The following ESCO2 variants were observed in gnomAD, a reference collection of about 807,000 sequenced individuals.
The protein encoded by ESCO2 is establishment of sister chromatid cohesion N-acetyltransferase 2, also known as N-acetyltransferase ESCO2.
Under a neutral mutation model 61.7 loss-of-function variants are expected in ESCO2, and 51 were observed. The ratio of observed to expected loss-of-function variants is 0.83; its 90% CI spans 0.66 to 1.04. ESCO2 has a LOEUF of 1.04. ESCO2 is among the 50% of genes least tolerant of loss of function. The probability of loss-of-function intolerance (pLI) is 0.00; values close to 1 mark genes in which losing one functional copy is unlikely to be tolerated. For synonymous variants in ESCO2, 230 were observed against 238.2 expected (o/e 0.97, Z 0.32); for missense variants, 692 against 686.2 (o/e 1.01, Z -0.09).
chr8:27,802,630 A>AATAT (rs1222665973), intron 10 of ESCO2, among the ~76,000 whole-genome samples: 119 of 45,826 alleles, frequency 2.6e-3, no homozygotes, highest in East Asian at 0.018. Flanking sequence ...AAAAAAAAAA[A>AATAT]ATATATATAT....
intron 9 of ESCO2, among the ~76,000 whole-genome samples, chr8:27,798,982 C>A (rs1014933817): frequency 3.9e-5 from 6 of 152,024 alleles, no homozygotes; most frequent in African/African-American, 1.5e-4. Context: ...GATTAAGTGT[C>A]ATGAAACTAT....
intron 1 of ESCO2, 68 bp from the exon 2 acceptor site, chr8:27,775,431 A>AG: frequency 1.5e-6 from 2 of 1,319,356 alleles, no homozygotes; most frequent in Non-Finnish European, 1.1e-6. Context: ...GACTAATTAA[A>AG]GGGGGTATAA....
In ESCO2 at chr8:27,776,778, C is replaced by A; in HGVS notation, c.470C>A (p.Pro157His). 1 of 1,613,972 alleles carries A rather than the reference C, an allele frequency of 6.2e-7. No homozygotes were observed. Among genetic ancestry groups the A allele is most frequent in the South Asian group, 1.1e-5 (1 of 91,076 alleles). Residue 157 changes from proline (P) to histidine (H), a missense_variant, in exon 3 of 11, where the codon CCT becomes CAT. Coordinates refer to ENST00000305188, the MANE Select transcript of ESCO2 (RefSeq NM_001017420.3). ...CAACCAAAGTATAGACACATCAAGC[C>A]TGTATCAAGGAATTCTAGAAATTCC... ...KYQPKYRHIK[P>H]VSRNSRNSKQ...
At position 27,776,589 on chromosome 8, in the gene ESCO2, T is replaced by C; in HGVS notation, c.281T>C (p.Leu94Pro). 6.2e-7 allele frequency: 1 copy of C among 1,614,118 alleles called. No individual in the cohort carries two copies. The highest frequency in any genetic ancestry group is 8.5e-7 in the Non-Finnish European group (1 of 1,179,996). The change falls in exon 3 of 11, where the codon CTC (leucine) becomes CCC (proline). Residue 94 changes from leucine (L) to proline (P), a missense_variant. Transcript: ENST00000305188. ...VSFYNQNKWY[L>P]NPLERKLIKE... ...TTTTACAACCAAAATAAGTGGTACC[T>C]CAATCCACTGGAGAGAAAGCTGATA... is the stretch of plus-strand genomic sequence containing the variant.
At chr8:27,802,633 ATAT>A (rs1563482359) in intron 10 of ESCO2, among the ~76,000 whole-genome samples, 2,569 of 53,628 alleles carry the variant, frequency 0.048, 155 homozygotes, top group South Asian at 0.061. Flanking sequence ...AAAAAAAAAT[ATAT>A]ATATATATAT....
At chr8:27,792,505 T>A (rs1395681896) in intron 8 of ESCO2, among the ~76,000 whole-genome samples, 163 bp from the exon 9 acceptor site, 3 of 152,244 alleles carry the variant, frequency 2.0e-5, no homozygotes, top group Non-Finnish European at 4.4e-5. Flanking sequence ...CAGTAGCAGC[T>A]ACATGCATCA....
intron 5 of ESCO2, among the ~76,000 whole-genome samples, chr8:27,786,721 T>A (rs1014213983): frequency 6.6e-6 from 1 of 152,124 alleles, no homozygotes; most frequent in Non-Finnish European, 1.5e-5. Flanking sequence ...TGAAAACTAC[T>A]TTTCAGACAA....
intron 9 of ESCO2, 120 bp from the exon 10 acceptor site, chr8:27,799,421 T>C (rs1805374138): frequency 9.7e-7 from 1 of 1,035,724 alleles, no homozygotes; most frequent in African/African-American, 1.6e-5. Flanking sequence ...ATAGAAAATA[T>C]TTTTTAACAT....
At position 27,776,961 on chromosome 8, in the gene ESCO2, C is replaced by T; in HGVS notation, c.653C>T (p.Ser218Phe). 1.2e-6 allele frequency: 2 copies of T among 1,613,168 alleles called. No homozygotes were observed. Among genetic ancestry groups the T allele is most frequent in the African/African-American group, 1.3e-5 (1 of 74,884 alleles). The part of the protein sequence containing the change: ...GAAFFVRKKS[S>F]LRKSSLENEP... Reference sequence around the variant, plus strand: ...GCATTTTTTGTTAGAAAAAAATCTTCTCTTAGAAAATCGTCCCTGGAAAAT... The same window carrying T: ...GCATTTTTTGTTAGAAAAAAATCTTTTCTTAGAAAATCGTCCCTGGAAAAT... Residue 218 changes from serine (S) to phenylalanine (F), a missense_variant, in exon 3 of 11, where the codon TCT (serine) becomes TTT (phenylalanine). By Grantham distance (155) the Ser-to-Phe change is radical. Coordinates refer to ENST00000305188, the MANE Select transcript of ESCO2 (RefSeq NM_001017420.3).
At position 27,777,156 on chromosome 8, in the gene ESCO2, A is replaced by G; in HGVS notation, c.848A>G (p.Glu283Gly). Residue 283 changes from glutamate to glycine, a missense_variant, in exon 3 of 11, where the codon GAG (glutamate) becomes GGG (glycine). Glu to Gly is a moderately conservative substitution (Grantham distance 98, BLOSUM62 -2). Coordinates refer to ENST00000305188, the MANE Select transcript of ESCO2 (RefSeq NM_001017420.3). ...CTGAGTGCAAGCAGTAAAAATAAAG[A>G]GAAATTAATAAAGGTAAAGCTAAAT... ...GLLSASSKNK[E>G]KLIKDSSDDR... 1 of 1,601,604 alleles carries G rather than the reference A, an allele frequency of 6.2e-7. No homozygotes were observed. Among genetic ancestry groups the G allele is most frequent in the Non-Finnish European group, 8.5e-7 (1 of 1,177,182 alleles).
At chr8:27,777,208 C>G (rs1276070072) in intron 3 of ESCO2, 39 bp downstream of exon 3, 1 of 1,559,534 alleles carries the variant, frequency 6.4e-7, no homozygotes, top group East Asian at 2.3e-5. Flanking sequence ...GGCTGTATAA[C>G]AAAACTTCAG....
chr8:27,803,515 A>T lies in ESCO2; in HGVS notation c.*77A>T. The T allele has an allele frequency of 3.2e-6, 5 of 1,567,732 alleles. 1 individual carries two copies. In the African/African-American group the frequency reaches 5.6e-5, roughly 17 times the overall value. ...CTTATTATAAAATACAAACTATTTA[A>T]TATCAAAATAAAAAATACCGAGACT... On this transcript the variant is annotated 3_prime_UTR_variant, in exon 11 of 11. Transcript: ENST00000305188.
At chr8:27,813,621 C>A (rs1430753672), downstream of ESCO2, among the ~76,000 whole-genome samples, 2 of 152,190 alleles carry the variant, frequency 1.3e-5, no homozygotes, top group Non-Finnish European at 1.5e-5. Context: ...CATATAGTTA[C>A]CATTTTTTTG....
chr8:27,783,732 C>T lies in ESCO2; in HGVS notation c.956-268C>T, dbSNP rs76775425. Among the ~76,000 whole-genome samples the T allele has an allele frequency of 4.8e-3, 732 of 152,264 alleles. 18 individuals are homozygous for T. In the East Asian group the frequency reaches 0.091, roughly 19 times the overall value. ...TTGGGATTACAAGCATGAGCCACCA[C>T]GCCTGGTCATAGTTTTACATTTAGA... On this transcript the variant is annotated intron_variant, in intron 4 of 10. Coordinates refer to ENST00000305188, the MANE Select transcript of ESCO2 (RefSeq NM_001017420.3).
At chr8:27,806,322 G>A (rs1423935219), downstream of ESCO2, among the ~76,000 whole-genome samples, 10 of 152,088 alleles carry the variant, frequency 6.6e-5, no homozygotes, top group Admixed American at 6.5e-5. Flanking sequence ...GCCAATATAT[G>A]TGTATGTCTA....
chr8:27,806,233 A>G (rs1019156929), downstream of ESCO2, among the ~76,000 whole-genome samples: 3 of 152,196 alleles, frequency 2.0e-5, no homozygotes, highest in African/African-American at 7.2e-5. Context: ...GCACAGAAAC[A>G]TATTCCTATT....
At chr8:27,790,936 T>C (rs1805161578) in intron 7 of ESCO2, among the ~76,000 whole-genome samples, 1 of 152,216 alleles carries the variant, frequency 6.6e-6, no homozygotes, top group Non-Finnish European at 1.5e-5. Context: ...ACTGTATAGT[T>C]AGGTAAGTTC....
At chr8:27,772,375 G>A, upstream of ESCO2, 1 of 787,562 alleles carries the variant, frequency 1.3e-6, no homozygotes, top group Middle Eastern at 2.6e-4. Flanking sequence ...ATGTGCTGGG[G>A]GACCGAGAGG....
rs534018353 is a variant in ESCO2 at position 27,792,687 on chromosome 8, T to G, written c.1373T>G (p.Leu458Arg). The change falls in exon 9 of 11, where the codon CTT becomes CGT. Residue 458 changes from leucine to arginine, a missense_variant. Coordinates refer to ENST00000305188, the MANE Select transcript of ESCO2 (RefSeq NM_001017420.3). Reference protein sequence around the residue: ...AIKKVEDVQELVDNELGFQQV... With the variant: ...AIKKVEDVQERVDNELGFQQV... ...CATTAGGTAGAAGATGTCCAAGAAC[T>G]TGTTGATAATGAATTGGGCTTCCAG... The G allele has an allele frequency of 6.2e-7, 1 of 1,612,772 alleles. No homozygotes were observed. The highest frequency in any genetic ancestry group is 1.3e-5 in the African/African-American group (1 of 75,032).
Sources: gnomAD v4.1 joint callset for allele counts (sites outside exome capture counted in the v4.1 genomes callset) on GRCh38, gnomAD v4.1.1 for gene constraint, MANE v1.5 for transcripts, NCBI Gene and HGNC (gene_info 2026-07-23, HGNC 2026-07-21) for gene names.